The following PHYKPL variants were observed in gnomAD, a reference collection of about 807,000 sequenced individuals.
PHYKPL encodes 5-phosphonooxy-L-lysine phospho-lyase.
A neutral mutation model predicts 51.3 loss-of-function variants in PHYKPL; 42 were observed. The ratio of observed to expected loss-of-function variants is 0.82; its 90% CI spans 0.64 to 1.06. The LOEUF (loss-of-function observed/expected upper bound fraction) is 1.06, where lower values mean the gene tolerates loss of function less well. Ranked by LOEUF, PHYKPL falls within the 50% of genes least tolerant of loss-of-function variation. The pLI, the probability that PHYKPL is intolerant of heterozygous loss-of-function variation, is 0.00. For synonymous variants in PHYKPL, 264 were observed against 236.0 expected, an observed-to-expected ratio of 1.12 and a Z score of -1.09; for missense variants, 655 against 586.6, an observed-to-expected ratio of 1.12 and a Z score of -1.20.
At chr5:178,228,660 T>G in intron 3 of PHYKPL, 2 of 700,832 alleles carry the variant, frequency 2.9e-6, no homozygotes, top group Non-Finnish European at 5.2e-6. Flanking sequence ...ACTGTGTGAG[T>G]GGCCACAGTA....
At chr5:178,212,130 AAAAC>A (rs996942626) in intron 11 of PHYKPL, among the ~76,000 whole-genome samples, 160 bp from the exon 12 acceptor site, 5 of 152,214 alleles carry the variant, frequency 3.3e-5, no homozygotes, top group African/African-American at 7.2e-5. Context: ...AGTTTCCTGA[AAAAC>A]AAAGCCAGCC....
intron 12 of PHYKPL, chr5:178,210,694 C>G (rs1758003735): frequency 1.6e-6 from 2 of 1,234,700 alleles, no homozygotes; most frequent in Non-Finnish European, 2.4e-6. Flanking sequence ...CAATTATGTA[C>G]CAAATTTAAC....
intron 12 of PHYKPL, 54 bp from the exon 13 acceptor site, chr5:178,208,969 A>G (rs1193279216): frequency 1.4e-5 from 3 of 208,066 alleles, no homozygotes; most frequent in Admixed American, 5.4e-5. Context: ...CTCATCTGAG[A>G]AGTCTTGTCT....
chr5:178,212,856 G>T, intron 11 of PHYKPL, 117 bp downstream of exon 11: 1 of 1,415,612 alleles, frequency 7.1e-7, no homozygotes, highest in Non-Finnish European at 9.6e-7. Flanking sequence ...CCTGTCCAGA[G>T]GACATGTGCC....
chr5:178,207,520 A>G (rs1030671304), downstream of PHYKPL, among the ~76,000 whole-genome samples: 1 of 152,126 alleles, frequency 6.6e-6, no homozygotes, highest in Non-Finnish European at 1.5e-5. Flanking sequence ...TAGAGGTGAC[A>G]GTTCTAGATT....
At chr5:178,226,948 C>T (rs1271133948) in intron 3 of PHYKPL, among the ~76,000 whole-genome samples, 3 of 150,510 alleles carry the variant, frequency 2.0e-5, no homozygotes, top group Non-Finnish European at 3.0e-5. Context: ...TATACAAATA[C>T]ACACACACAC....
chr5:178,215,293 G>T lies in PHYKPL; in HGVS notation c.1065C>A (p.Pro355=). ...QLLGQQKIKH[P]IVGDVRGVGL... ...AGCCTCACCTGACATCCCCGACGAT[G>T]GGATGTTTGATTTTTTGCTGCCCGA... The change falls in exon 9 of 13, where the codon CCC becomes CCA. Residue 355 remains proline, a synonymous_variant. Coordinates refer to ENST00000308158, the MANE Select transcript of PHYKPL (RefSeq NM_153373.4). 1 of 1,614,100 alleles carries T rather than the reference G, an allele frequency of 6.2e-7. No individual in the cohort carries two copies. The highest frequency in any genetic ancestry group is 8.5e-7 in the Non-Finnish European group (1 of 1,179,980).
downstream of PHYKPL, among the ~76,000 whole-genome samples, chr5:178,208,308 G>A (rs1757198381): frequency 6.6e-6 from 1 of 152,168 alleles, no homozygotes; most frequent in East Asian, 1.9e-4. Context: ...AGTGGATTAG[G>A]ATAGTCTTAA....
chr5:178,213,695 C>T (rs1759137342), intron 10 of PHYKPL, among the ~76,000 whole-genome samples: 1 of 152,184 alleles, frequency 6.6e-6, no homozygotes, highest in South Asian at 2.1e-4. Context: ...TGTTTATATT[C>T]TTTGATCATT....
intron 12 of PHYKPL, chr5:178,210,318 A>G (rs777747612): frequency 1.2e-5 from 19 of 1,612,584 alleles, no homozygotes; most frequent in Non-Finnish European, 1.4e-5. Flanking sequence ...CCTCGTCCCC[A>G]GGGGAGGCAG....
intron 1 of PHYKPL, 184 bp from the exon 2 acceptor site, chr5:178,231,707 GC>G: frequency 1.3e-6 from 2 of 1,550,268 alleles, no homozygotes; most frequent in South Asian, 2.3e-5. Context: ...AAAGCAGGAA[GC>G]AGATGGGGTA....
chr5:178,223,475 A>AC (rs1761628328), intron 6 of PHYKPL: 3 of 455,644 alleles, frequency 6.6e-6, no homozygotes, highest in South Asian at 4.6e-5. Flanking sequence ...CCCCTCAGTG[A>AC]CCCCTTCTGC....
Position 178,214,835 on chromosome 5 carries a change from CT to C in PHYKPL, c.1132del (p.Arg378GlyfsTer15). 2 of 1,613,538 alleles carry C rather than the reference CT, an allele frequency of 1.2e-6. No homozygotes were observed. The highest frequency in any genetic ancestry group is 2.2e-5 in the South Asian group (2 of 91,038). Reference protein sequence around the residue: ...GVDLIKDEATRTPATEEAAYL... With the variant: ...GVDLIKDEATXTPATEEAAYL... ...GGCAGCCTCTTCAGTTGCTGGTGTC[CT>C]TGTGGCCTCATCTTTGATCAGATCC... On this transcript the variant is annotated frameshift_variant, in exon 10 of 13. Coordinates refer to ENST00000308158, the MANE Select transcript of PHYKPL (RefSeq NM_153373.4). LOFTEE classifies it high-confidence loss of function.
At chr5:178,227,692 C>T (rs1320546505) in intron 3 of PHYKPL, among the ~76,000 whole-genome samples, 1 of 152,144 alleles carries the variant, frequency 6.6e-6, no homozygotes, top group Admixed American at 6.5e-5. Context: ...TGTGAAGCCA[C>T]TGAAGAGTTT....
At chr5:178,212,383 T>G (rs1365361257) in intron 11 of PHYKPL, among the ~76,000 whole-genome samples, 1 of 152,264 alleles carries the variant, frequency 6.6e-6, no homozygotes, top group Non-Finnish European at 1.5e-5. Context: ...TGATCTCTAC[T>G]GTGAGATGCA....
At chr5:178,226,866 G>T (rs1762384034) in intron 3 of PHYKPL, among the ~76,000 whole-genome samples, 1 of 152,126 alleles carries the variant, frequency 6.6e-6, no homozygotes, top group South Asian at 2.1e-4. Context: ...TATGAGCCAG[G>T]AACTGTGGAC....
chr5:178,227,398 T>C (rs1762509332), intron 3 of PHYKPL, among the ~76,000 whole-genome samples: 1 of 152,240 alleles, frequency 6.6e-6, no homozygotes, highest in Non-Finnish European at 1.5e-5. Context: ...ACTCAGTCTC[T>C]GGTATTTTCT....
chr5:178,209,899 TGAGC>T (rs368652523), intron 12 of PHYKPL, among the ~76,000 whole-genome samples: 9 of 151,992 alleles, frequency 5.9e-5, no homozygotes, highest in South Asian at 2.1e-4. Flanking sequence ...ACTGAGTGAG[TGAGC>T]TGCCTTGTTT....
chr5:178,210,573 G>A (rs757817992), intron 12 of PHYKPL: 15 of 1,614,030 alleles, frequency 9.3e-6, no homozygotes, highest in East Asian at 2.2e-5. Context: ...TACAAACTAC[G>A]GCAAGAGCCA....
Sources: allele counts gnomAD v4.1 joint callset (sites outside exome capture counted in the v4.1 genomes callset), GRCh38; gene constraint gnomAD v4.1.1; transcripts MANE v1.5; gene names NCBI Gene and HGNC (gene_info 2026-07-23, HGNC 2026-07-21).